PDZD4: variants seen among roughly 807,000 people sequenced by gnomAD.
PDZD4 encodes PDZ domain-containing protein 4.
Under a neutral mutation model 38.5 loss-of-function variants are expected in PDZD4, and 9 were observed. The observed-to-expected ratio is 0.23, with a 90% confidence interval of 0.14 to 0.41. The LOEUF (loss-of-function observed/expected upper bound fraction) is 0.41. Ranked by LOEUF, PDZD4 falls within the 10% of genes least tolerant of loss-of-function variation. PDZD4 has a pLI of 1.00. For missense variants in PDZD4, 612 were observed against 722.0 expected (o/e 0.85, Z 1.75); for synonymous variants, 349 against 315.7 (o/e 1.11, Z -1.12).
At position 153,829,460 on chromosome X, in the gene PDZD4, T is replaced by A. The variant is rs782731551; in HGVS notation, c.60+779A>T. 2.7e-5 allele frequency: 3 copies of A among 112,741 alleles called. No individual in the cohort carries two copies. In the East Asian group the frequency reaches 8.5e-4, roughly 32 times the overall value. 9.3% of individuals were successfully genotyped at this position (112,741 alleles called of 1,213,427 possible). On this transcript the variant is annotated intron_variant, in intron 1 of 7. Transcript: ENST00000393758. ...GCATCCGGGACATTTCTCTAGACAG[T>A]CTGCAGGGTGCACACAGAAAGTACA... is the stretch of plus-strand genomic sequence containing the variant.
In PDZD4 at chrX:153,804,292, G is replaced by A. The variant is rs781792012; in HGVS notation, c.1389C>T (p.Ser463=). ...EPKKHELSDI[S]ELPEKSDKDS... The stretch of plus-strand genomic sequence containing the variant: ...CCTTGTCCGACTTCTCGGGCAGCTC[G>A]GAGATGTCGGACAGCTCGTGCTTCT... Residue 463 remains serine (S), a synonymous_variant, in exon 8 of 8, where the codon TCC becomes TCT. Coordinates refer to ENST00000393758, the MANE Select transcript of PDZD4 (RefSeq NM_001303512.2). The A allele has an allele frequency of 2.5e-6, 3 of 1,208,182 alleles. No individual in the cohort carries two copies. The highest frequency in any genetic ancestry group is 4.3e-5 in the Admixed American group (2 of 46,140).
intron 2 of PDZD4, chrX:153,807,767 A>G: frequency 3.5e-6 from 3 of 855,713 alleles, no homozygotes; most frequent in Non-Finnish European, 4.5e-6. Flanking sequence ...ACTTCTGCAG[A>G]GCAGAGGGGG....
intron 1 of PDZD4, among the ~76,000 whole-genome samples, chrX:153,819,044 A>C (rs1468716760): frequency 8.9e-6 from 1 of 112,635 alleles, no homozygotes; most frequent in African/African-American, 3.2e-5. Context: ...CTAGGCGGAG[A>C]GGGCGGAGCC....
In PDZD4 at chrX:153,830,325, G is replaced by C. The variant is rs374657923; in HGVS notation, c.-27C>G. 3 of 1,186,179 alleles carry C rather than the reference G, an allele frequency of 2.5e-6. No individual in the cohort carries two copies. In the African/African-American group the frequency reaches 5.4e-5, roughly 21 times the overall value. On this transcript the variant is annotated 5_prime_UTR_variant, in exon 1 of 8. Transcript: ENST00000393758. ...TTGCTGGCCGGCGAGAGGAGGCGGA[G>C]GGCGGGAACGGGAAGACGCCTTTCA...
At chrX:153,809,535 C>T (rs782578798) in intron 1 of PDZD4, among the ~76,000 whole-genome samples, 4 of 112,270 alleles carry the variant, frequency 3.6e-5, no homozygotes, top group East Asian at 2.8e-4. Flanking sequence ...TGCAGTGAGC[C>T]GAGATCGCAC....
rs1259757233 is a variant in PDZD4 at position 153,803,650 on chromosome X, C to T, written c.2031G>A (p.Lys677=). ...TTDDDAVSEM[K]MGRYWSKEER... is the part of the protein sequence containing the mutation. ...CCTCCTTGCTCCAGTAGCGGCCCATCTTCATCTCGCTCACCGCGTCGTCGT... is the reference window on the plus strand; with the variant it reads ...CCTCCTTGCTCCAGTAGCGGCCCATTTTCATCTCGCTCACCGCGTCGTCGT... The change falls in exon 8 of 8, where the codon AAG becomes AAA. Residue 677 remains lysine, a synonymous_variant. Coordinates refer to ENST00000393758, the MANE Select transcript of PDZD4 (RefSeq NM_001303512.2). 3.3e-6 allele frequency: 4 copies of T among 1,209,450 alleles called. No individual in the cohort carries two copies. The highest frequency in any genetic ancestry group is 4.5e-6 in the Non-Finnish European group (4 of 895,410).
intron 1 of PDZD4, among the ~76,000 whole-genome samples, chrX:153,823,572 T>G (rs1458204635): frequency 9.1e-6 from 1 of 110,010 alleles, no homozygotes; most frequent in Non-Finnish European, 1.9e-5. Flanking sequence ...CAGGCTGGTC[T>G]CGAACTCCTG....
intron 1 of PDZD4, among the ~76,000 whole-genome samples, chrX:153,812,190 G>A (rs1043717438): frequency 1.9e-5 from 2 of 107,967 alleles, no homozygotes; most frequent in Admixed American, 2.0e-4. Context: ...TATAGTGGCA[G>A]CATTTACACC....
In PDZD4 at chrX:153,803,774, C is replaced by G. The variant is rs1557075469; in HGVS notation, c.1907G>C (p.Ser636Thr). ...PRMEWKVKVR[S>T]DGTRYVAKRP... is the part of the protein sequence containing the mutation. ...CTTGGCCACGTAGCGGGTTCCGTCG[C>G]TGCGCACCTTCACTTTCCACTCCAT... The change falls in exon 8 of 8, where the codon AGC becomes ACC. Residue 636 changes from serine (S) to threonine (T), a missense_variant. Coordinates refer to ENST00000393758, the MANE Select transcript of PDZD4 (RefSeq NM_001303512.2). 8.3e-7 allele frequency: 1 copy of G among 1,208,170 alleles called. No homozygotes were observed. Among genetic ancestry groups the G allele is most frequent in the South Asian group, 1.8e-5 (1 of 57,038 alleles).
intron 3 of PDZD4, 110 bp from the exon 4 acceptor site, chrX:153,806,950 G>T: frequency 1.5e-6 from 1 of 651,801 alleles, no homozygotes; most frequent in Non-Finnish European, 2.4e-6. Flanking sequence ...TCAGCCCGCA[G>T]CCCCTCAGCT....
rs375597021 is a variant in PDZD4 at position 153,824,584 on chromosome X, G to A, written c.60+5655C>T. Among the ~76,000 whole-genome samples the A allele has an allele frequency of 6.5e-4, 73 of 111,665 alleles. 1 individual carries two copies. The South Asian group carries it at 0.025, about 38-fold the overall frequency. On this transcript the variant is annotated intron_variant, in intron 1 of 7. Coordinates refer to ENST00000393758, the MANE Select transcript of PDZD4 (RefSeq NM_001303512.2). ...ACCTGGCTTGGTGGGTGGGAGAGCA[G>A]TTTGGAGGAAGACGTCGCTGAAGAG...
At chrX:153,805,032 C>G in intron 7 of PDZD4, 65 bp downstream of exon 7, 1 of 1,145,872 alleles carries the variant, frequency 8.7e-7, no homozygotes, top group South Asian at 1.9e-5. Context: ...CCTGCACAGC[C>G]TCAGCGCCTT....
At chrX:153,822,652 C>T (rs1025030295) in intron 1 of PDZD4, among the ~76,000 whole-genome samples, 1 of 99,704 alleles carries the variant, frequency 1.0e-5, no homozygotes, top group Non-Finnish European at 2.0e-5. Context: ...TCCCTCCCTC[C>T]CTCTCTCTCT....
Position 153,805,708 on chromosome X carries a change from A to C in PDZD4, c.568-102T>G, listed in dbSNP as rs1557076758. On this transcript the variant is annotated intron_variant, in intron 5 of 7. Transcript: ENST00000393758. ...CAAGCACTCTGGGCTCGGCTGGGCTAGGCTGGGGCTTGAGCTCTGGGAGGA... is the reference window on the plus strand; with the variant it reads ...CAAGCACTCTGGGCTCGGCTGGGCTCGGCTGGGGCTTGAGCTCTGGGAGGA... 4.7e-6 allele frequency: 3 copies of C among 643,998 alleles called. No individual in the cohort carries two copies. In the Admixed American group the frequency reaches 7.1e-5, roughly 15 times the overall value. 53.1% of individuals were successfully genotyped at this position (643,998 alleles called of 1,213,427 possible). A position where few individuals can be genotyped will look rare whatever the true frequency, so the allele number is the denominator to read the frequency against.
Position 153,826,848 on chromosome X carries a change from A to G in PDZD4, c.60+3391T>C, listed in dbSNP as rs140201543. 9.6e-3 allele frequency among the ~76,000 whole-genome samples: 1,080 copies of G among 112,353 alleles called. 12 individuals are homozygous for G. The highest frequency in any genetic ancestry group is 0.034 in the African/African-American group (1,041 of 30,908). ...AAAGTGCAAAACATCATGTAAAGAAATTAAAGACCTAAATAAATGGAAAAC... is the reference window on the plus strand; with the variant it reads ...AAAGTGCAAAACATCATGTAAAGAAGTTAAAGACCTAAATAAATGGAAAAC... On this transcript the variant is annotated intron_variant, in intron 1 of 7. Coordinates refer to ENST00000393758, the MANE Select transcript of PDZD4 (RefSeq NM_001303512.2).
intron 1 of PDZD4, among the ~76,000 whole-genome samples, chrX:153,814,199 C>G (rs1240101120): frequency 9.0e-6 from 1 of 111,246 alleles, no homozygotes; most frequent in South Asian, 3.7e-4. Context: ...AATTGCCCAG[C>G]ACGGAGGCTC....
At chrX:153,821,211 G>A (rs1013772420) in intron 1 of PDZD4, among the ~76,000 whole-genome samples, 5 of 110,891 alleles carry the variant, frequency 4.5e-5, no homozygotes, top group African/African-American at 1.6e-4. Context: ...CAGAAACATG[G>A]GAGGGCTTCA....
At position 153,808,325 on chromosome X, in the gene PDZD4, T is replaced by A. The variant is rs955023185; in HGVS notation, c.314+17A>T. 1 of 1,193,381 alleles carries A rather than the reference T, an allele frequency of 8.4e-7. No individual in the cohort carries two copies. Among genetic ancestry groups the A allele is most frequent in the African/African-American group, 1.7e-5 (1 of 57,616 alleles). On this transcript the variant is annotated intron_variant, in intron 2 of 7. Coordinates refer to ENST00000393758, the MANE Select transcript of PDZD4 (RefSeq NM_001303512.2). ...TCTCTGGAGGCAGGGCCCGGGGCCC[T>A]CCTGAGGGCGACTCACAGCTCAGAG...
Position 153,805,626 on chromosome X carries a change from A to G in PDZD4, c.568-20T>C, listed in dbSNP as rs782099194. ...GTTAATCTGAGGCAGGCAGGATACA[A>G]TCAACAAGCATGCTAGGGCTGGCCC... On this transcript the variant is annotated intron_variant, in intron 5 of 7. Transcript: ENST00000393758. The G allele has an allele frequency of 1.7e-6, 2 of 1,167,884 alleles. No individual in the cohort carries two copies. Among genetic ancestry groups the G allele is most frequent in the South Asian group, 1.8e-5 (1 of 56,040 alleles).
Sources: allele counts gnomAD v4.1 joint callset (sites outside exome capture counted in the v4.1 genomes callset), GRCh38; gene constraint gnomAD v4.1.1; transcripts MANE v1.5; gene names NCBI Gene and HGNC (gene_info 2026-07-23, HGNC 2026-07-21).